EFHC2: variants seen among roughly 807,000 people sequenced by gnomAD.
EFHC2 encodes the protein EF-hand domain containing 2, also known as EF-hand domain-containing family member C2.
A neutral mutation model predicts 52.7 loss-of-function variants in EFHC2; 18 were observed. That is an observed-to-expected ratio of 0.34 (90% CI 0.24 to 0.51). EFHC2 has a LOEUF of 0.51. Among genes scored for constraint, EFHC2 ranks in the 20% least tolerant of loss-of-function variants. The pLI, the probability that EFHC2 is intolerant of heterozygous loss-of-function variation, is 0.97. For missense variants in EFHC2, 513 were observed against 562.5 expected, an observed-to-expected ratio of 0.91 and a Z score of 0.89; for synonymous variants, 203 against 204.1, an observed-to-expected ratio of 0.99 and a Z score of 0.04.
At chrX:44,303,391 C>G (rs907300780) in intron 2 of EFHC2, among the ~76,000 whole-genome samples, 2 of 111,163 alleles carry the variant, frequency 1.8e-5, no homozygotes, top group African/African-American at 6.6e-5. Context: ...TAGACTCACT[C>G]TAGTCTGTTC....
intron 11 of EFHC2, among the ~76,000 whole-genome samples, chrX:44,194,982 G>A (rs772216296): frequency 4.4e-4 from 49 of 112,272 alleles, no homozygotes; most frequent in African/African-American, 1.4e-3. Flanking sequence ...AGGGGCCTCT[G>A]TGCCTCAAGG....
chrX:44,195,076 A>G (rs1029378315), intron 11 of EFHC2, among the ~76,000 whole-genome samples: 1 of 111,722 alleles, frequency 9.0e-6, no homozygotes, highest in African/African-American at 3.3e-5. Context: ...CTCACTATCT[A>G]TGCCCTTTCC....
At chrX:44,309,519 C>T (rs1361485409) in intron 2 of EFHC2, 3 of 1,207,013 alleles carry the variant, frequency 2.5e-6, no homozygotes, top group Non-Finnish European at 3.4e-6. Flanking sequence ...TGTATTGCTT[C>T]ATTAGAGTGC....
At chrX:44,171,146 C>T (rs1459797238) in intron 13 of EFHC2, among the ~76,000 whole-genome samples, 1 of 111,377 alleles carries the variant, frequency 9.0e-6, no homozygotes, top group Non-Finnish European at 1.9e-5. Flanking sequence ...CTAGATAATA[C>T]GACCCCTCGA....
At chrX:44,328,804 C>A in intron 1 of EFHC2, among the ~76,000 whole-genome samples, 1 of 111,069 alleles carries the variant, frequency 9.0e-6, no homozygotes, top group Non-Finnish European at 1.9e-5. Context: ...CTTTCCGCAA[C>A]CAGTCAAACT....
At chrX:44,249,851 G>A (rs1348433459) in intron 5 of EFHC2, among the ~76,000 whole-genome samples, 1 of 112,450 alleles carries the variant, frequency 8.9e-6, no homozygotes, top group African/African-American at 3.2e-5. Flanking sequence ...GCTCTCTTCA[G>A]TAGTCTGCAG....
chrX:44,252,865 T>C (rs1383324021), intron 4 of EFHC2, among the ~76,000 whole-genome samples: 4 of 111,796 alleles, frequency 3.6e-5, no homozygotes, highest in Non-Finnish European at 7.5e-5. Context: ...GGAACAGCTC[T>C]GGTCTGCAGC....
chrX:44,208,852 A>G (rs1434214852), intron 11 of EFHC2, among the ~76,000 whole-genome samples: 1 of 112,037 alleles, frequency 8.9e-6, no homozygotes, highest in East Asian at 2.8e-4. Context: ...GTAATAAATG[A>G]AAACAGATAA....
chrX:44,320,149 G>T (rs2038009137), intron 1 of EFHC2, among the ~76,000 whole-genome samples: 1 of 111,326 alleles, frequency 9.0e-6, no homozygotes, highest in African/African-American at 3.3e-5. Flanking sequence ...CACCATGTTG[G>T]CCAGACTGGT....
intron 1 of EFHC2, among the ~76,000 whole-genome samples, chrX:44,317,009 C>T (rs997932310): frequency 6.3e-5 from 7 of 111,805 alleles, no homozygotes; most frequent in East Asian, 2.8e-4. Context: ...ACCGTCATTA[C>T]GAGACTGAAC....
intron 1 of EFHC2, among the ~76,000 whole-genome samples, chrX:44,320,011 C>T (rs5906916): frequency 0.39 from 43,083 of 110,116 alleles, 7,444 homozygotes; most frequent in Middle Eastern, 0.61. Flanking sequence ...GGTGCAATCT[C>T]GGCTCACTGC....
intron 3 of EFHC2, among the ~76,000 whole-genome samples, chrX:44,270,420 T>C (rs979303275): frequency 9.0e-6 from 1 of 111,402 alleles, no homozygotes; most frequent in South Asian, 3.8e-4. Context: ...GGTATATCAA[T>C]ACAGAGCCCT....
At chrX:44,286,851 A>G (rs1028654884) in intron 2 of EFHC2, among the ~76,000 whole-genome samples, 3 of 100,894 alleles carry the variant, frequency 3.0e-5, no homozygotes, top group African/African-American at 1.1e-4. Flanking sequence ...TCGTCTCTAC[A>G]AAAAAAAAAT....
Position 44,272,808 on chromosome X carries a change from T to C in EFHC2, c.260A>G (p.Glu87Gly). ...GGTTTGGCTTTTATCAAGTACTTCC[T>C]CTTCCAAATAGGCATCAAAAGATAA... is the stretch of plus-strand genomic sequence containing the variant. The part of the protein sequence containing the change: ...QVLSFDAYLE[E>G]EVLDKSQTNY... Residue 87 changes from glutamate to glycine, a missense_variant, in exon 3 of 15, where the codon GAG (glutamate) becomes GGG (glycine). Coordinates refer to ENST00000420999, the MANE Select transcript of EFHC2 (RefSeq NM_025184.4). 1 of 1,164,972 alleles carries C rather than the reference T, an allele frequency of 8.6e-7. No individual in the cohort carries two copies. The highest frequency in any genetic ancestry group is 1.1e-6 in the Non-Finnish European group (1 of 869,871).
intron 9 of EFHC2, among the ~76,000 whole-genome samples, chrX:44,233,652 G>A (rs1028656593): frequency 3.6e-5 from 4 of 111,657 alleles, no homozygotes; most frequent in South Asian, 3.8e-4. Context: ...TTGTTCGCTC[G>A]CTGGGTGATC....
At chrX:44,199,225 G>T (rs768701196) in intron 11 of EFHC2, among the ~76,000 whole-genome samples, 3 of 112,491 alleles carry the variant, frequency 2.7e-5, no homozygotes, top group African/African-American at 9.7e-5. Context: ...TTGTTTAAAA[G>T]AAGTTGACAC....
At chrX:44,244,419 G>A (rs1330358404) in intron 7 of EFHC2, among the ~76,000 whole-genome samples, 2 of 111,928 alleles carry the variant, frequency 1.8e-5, no homozygotes, top group Admixed American at 1.9e-4. Context: ...GCGTGTTTTA[G>A]GTGTTCAAAA....
intron 1 of EFHC2, among the ~76,000 whole-genome samples, chrX:44,322,648 C>T (rs2038028481): frequency 8.9e-6 from 1 of 111,833 alleles, no homozygotes; most frequent in Non-Finnish European, 1.9e-5. Context: ...ATAATAATAC[C>T]TGCTTCACGA....
chrX:44,331,178 A>AACT (rs752987466), intron 1 of EFHC2, among the ~76,000 whole-genome samples: 48 of 112,282 alleles, frequency 4.3e-4, no homozygotes, highest in Non-Finnish European at 7.7e-4. Flanking sequence ...TACATACATG[A>AACT]ACTACTACTC....
Sources: allele counts gnomAD v4.1 joint callset (sites outside exome capture counted in the v4.1 genomes callset), GRCh38; gene constraint gnomAD v4.1.1; transcripts MANE v1.5; gene names NCBI Gene and HGNC (gene_info 2026-07-23, HGNC 2026-07-21).